GRB14: variants seen among roughly 807,000 people sequenced by gnomAD.
GRB14 encodes growth factor receptor-bound protein 14.
GRB14 carries 38 observed loss-of-function variants against 69.1 expected under a neutral mutation model. The observed-to-expected ratio is 0.55, with a 90% CI of 0.42 to 0.72. The LOEUF is 0.72. Ranked by LOEUF, GRB14 falls within the 30% of genes least tolerant of loss-of-function variation. The probability of loss-of-function intolerance (pLI) is 0.00; values close to 1 mark genes in which losing one functional copy is unlikely to be tolerated. For synonymous variants in GRB14, 247 were observed against 241.3 expected (o/e 1.02, Z -0.22); for missense variants, 666 against 666.1 (o/e 1.00, Z 0.00).
chr2:164,534,873 T>C (rs1002902588), intron 3 of GRB14, among the ~76,000 whole-genome samples: 1 of 152,204 alleles, frequency 6.6e-6, no homozygotes, highest in South Asian at 2.1e-4. Context: ...TTCAAAATTA[T>C]TATTTTAGAC....
rs142385994 is a variant in GRB14 at position 164,493,153 on chromosome 2, T to C, written c.1506A>G (p.Thr502=). Residue 502 remains threonine (T), a synonymous_variant, in exon 14 of 14, where the codon ACA becomes ACG. Transcript: ENST00000263915. ...TAAATCTTGTGTGGCCATCATCCAG[T>C]GTGTGGAACATTTCACCGTCATCTT... ...PVEDDGEMFH[T]LDDGHTRFTD... The C allele has an allele frequency of 9.4e-5, 152 of 1,613,270 alleles. No homozygotes were observed. The Middle Eastern group carries it at 1.3e-3, about 14-fold the overall frequency.
chr2:164,571,116 C>G (rs1209594252), intron 2 of GRB14, among the ~76,000 whole-genome samples: 1 of 152,184 alleles, frequency 6.6e-6, no homozygotes, highest in Non-Finnish European at 1.5e-5. Flanking sequence ...TTTGCAGGTG[C>G]TCATATTGAC....
chr2:164,602,196 G>A (rs913767910), intron 2 of GRB14, among the ~76,000 whole-genome samples: 1 of 151,398 alleles, frequency 6.6e-6, no homozygotes, highest in African/African-American at 2.4e-5. Context: ...GGAAGGGAAG[G>A]GAGGGGAGGG....
rs143916195 is a variant in GRB14 at position 164,568,378 on chromosome 2, G to A, written c.325-20562C>T. ...TGACTCTTCTTGCACTCAAACTCAT[G>A]CCTGCTCTTCTTAGAATGATCCTGT... On this transcript the variant is annotated intron_variant, in intron 2 of 13. Coordinates refer to ENST00000263915, the MANE Select transcript of GRB14 (RefSeq NM_004490.3). 3.8e-4 allele frequency: 486 copies of A among 1,287,712 alleles called. 4 individuals are homozygous for A. In the African/African-American group the frequency reaches 5.6e-3, roughly 15 times the overall value. The allele number at this position is 1,287,712 out of a possible 1,614,324, so 79.8% of individuals were successfully genotyped here. A position where few individuals can be genotyped will look rare whatever the true frequency, so the allele number is the denominator to read the frequency against.
intron 6 of GRB14, among the ~76,000 whole-genome samples, chr2:164,514,404 C>T (rs942040337): frequency 1.3e-5 from 2 of 152,140 alleles, no homozygotes; most frequent in African/African-American, 4.8e-5. Context: ...AAAGGGGGAT[C>T]GTCCACCCCT....
chr2:164,606,022 G>T (rs1317724276), intron 2 of GRB14, among the ~76,000 whole-genome samples: 1 of 152,142 alleles, frequency 6.6e-6, no homozygotes, highest in Non-Finnish European at 1.5e-5. Flanking sequence ...CGTATAATTT[G>T]TTCTTAAAAA....
intron 2 of GRB14, among the ~76,000 whole-genome samples, chr2:164,582,782 A>G (rs1689447277): frequency 6.6e-6 from 1 of 152,184 alleles, no homozygotes; most frequent in Admixed American, 6.5e-5. Flanking sequence ...TCCATAACCT[A>G]ATATCTTCCC....
intron 3 of GRB14, among the ~76,000 whole-genome samples, chr2:164,531,859 C>T (rs188205067): frequency 8.7e-4 from 132 of 152,168 alleles, no homozygotes; most frequent in African/African-American, 2.9e-3. Flanking sequence ...AAGTCTATAC[C>T]CTGCCCTTAA....
chr2:164,561,868 G>C (rs1173474111), intron 2 of GRB14, among the ~76,000 whole-genome samples: 1 of 151,930 alleles, frequency 6.6e-6, no homozygotes, highest in Non-Finnish European at 1.5e-5. Flanking sequence ...CTGTGTGAAG[G>C]GTATACCAAA....
At chr2:164,619,525 C>T (rs1243729244) in intron 2 of GRB14, among the ~76,000 whole-genome samples, 162 bp downstream of exon 2, 2 of 152,040 alleles carry the variant, frequency 1.3e-5, no homozygotes, top group African/African-American at 2.4e-5. Context: ...AGAATAAGGC[C>T]CTAAATGGAA....
At position 164,493,201 on chromosome 2, in the gene GRB14, C is replaced by T; in HGVS notation, c.1477-19G>A. On this transcript the variant is annotated intron_variant, in intron 13 of 13. Coordinates refer to ENST00000263915, the MANE Select transcript of GRB14 (RefSeq NM_004490.3). ...CTTCTACCTGCAAAAAGAAAAGCAA[C>T]AAATAAGTAAAGAGGATAAATTACA... 6.2e-7 allele frequency: 1 copy of T among 1,605,150 alleles called. No homozygotes were observed. The highest frequency in any genetic ancestry group is 2.3e-5 in the East Asian group (1 of 44,350).
chr2:164,548,571 T>A (rs187265747), intron 2 of GRB14, among the ~76,000 whole-genome samples: 2 of 152,296 alleles, frequency 1.3e-5, no homozygotes, highest in Admixed American at 1.3e-4. Context: ...TGGGTATATA[T>A]CCAAGAGAGG....
At chr2:164,546,463 T>C (rs1180153857) in intron 3 of GRB14, among the ~76,000 whole-genome samples, 2 of 152,150 alleles carry the variant, frequency 1.3e-5, no homozygotes, top group East Asian at 3.9e-4. Flanking sequence ...TAAATAGCAC[T>C]GAGATTTTCC....
rs1349166373 is a variant in GRB14 at position 164,509,969 on chromosome 2, GA to G, written c.817-1118del. 2.6e-5 allele frequency among the ~76,000 whole-genome samples: 4 copies of G among 152,030 alleles called. No individual in the cohort carries two copies. The East Asian group carries it at 7.7e-4, about 29-fold the overall frequency. On this transcript the variant is annotated intron_variant, in intron 6 of 13. Coordinates refer to ENST00000263915, the MANE Select transcript of GRB14 (RefSeq NM_004490.3). ...TTCACTGTTCTTAAGCATTTTAATC[GA>G]ATGAATGACTGTAGTTTCTAACACC...
At chr2:164,586,805 T>C (rs890979589) in intron 2 of GRB14, among the ~76,000 whole-genome samples, 2 of 152,172 alleles carry the variant, frequency 1.3e-5, no homozygotes, top group African/African-American at 2.4e-5. Flanking sequence ...ATTACCATAC[T>C]GGGTACTGGC....
At chr2:164,559,969 A>G (rs1021212597) in intron 2 of GRB14, among the ~76,000 whole-genome samples, 1 of 152,224 alleles carries the variant, frequency 6.6e-6, no homozygotes, top group Non-Finnish European at 1.5e-5. Flanking sequence ...TGGAATCTAT[A>G]CTGTTTAGAA....
chr2:164,550,456 A>G (rs1688505496), intron 2 of GRB14, among the ~76,000 whole-genome samples: 1 of 152,238 alleles, frequency 6.6e-6, no homozygotes, highest in South Asian at 2.1e-4. Context: ...AAAATGATAT[A>G]TCAATTCTGT....
At chr2:164,598,791 T>C (rs1485707051) in intron 2 of GRB14, among the ~76,000 whole-genome samples, 5 of 152,190 alleles carry the variant, frequency 3.3e-5, no homozygotes, top group Non-Finnish European at 7.3e-5. Context: ...AAAACAGTTT[T>C]TCCCTATAAA....
chr2:164,570,699 G>A (rs1489566981), intron 2 of GRB14, among the ~76,000 whole-genome samples: 1 of 152,170 alleles, frequency 6.6e-6, no homozygotes, highest in Non-Finnish European at 1.5e-5. Flanking sequence ...TTACTCTGAG[G>A]TTTGAAGTCT....
Sources: gnomAD v4.1 joint callset for allele counts (sites outside exome capture counted in the v4.1 genomes callset) on GRCh38, gnomAD v4.1.1 for gene constraint, MANE v1.5 for transcripts, NCBI Gene and HGNC (gene_info 2026-07-23, HGNC 2026-07-21) for gene names.